PCDHA1: variants seen among roughly 807,000 people sequenced by gnomAD.
The protein encoded by PCDHA1 is protocadherin alpha 1.
PCDHA1 carries 42 observed loss-of-function variants against 61.3 expected under a neutral mutation model. That is an observed-to-expected ratio of 0.69 (90% CI 0.54 to 0.89). The LOEUF (loss-of-function observed/expected upper bound fraction) is 0.89, where lower values mean the gene tolerates loss of function less well. PCDHA1 is among the 40% of genes least tolerant of loss of function. The pLI is 0.00. For missense variants in PCDHA1, 1,256 were observed against 1,235.3 expected, an observed-to-expected ratio of 1.02 and a Z score of -0.25; for synonymous variants, 610 against 553.8, an observed-to-expected ratio of 1.10 and a Z score of -1.43.
At chr5:140,835,741 C>A (rs558922738) in intron 1 of PCDHA1, 1 of 1,613,586 alleles carries the variant, frequency 6.2e-7, no homozygotes, top group Admixed American at 1.7e-5. Flanking sequence ...GACAACGCCC[C>A]GGCGTTCGCG....
At chr5:140,860,697 ATTG>A (rs1191589465) in intron 1 of PCDHA1, 2 of 152,170 alleles carry the variant, frequency 1.3e-5, no homozygotes, top group African/African-American at 4.8e-5. Context: ...GCGACAGGAT[ATTG>A]TTGTTCTCCA....
chr5:140,887,197 C>T (rs1348316837), intron 1 of PCDHA1, among the ~76,000 whole-genome samples: 1 of 151,678 alleles, frequency 6.6e-6, no homozygotes, highest in Non-Finnish European at 1.5e-5. Flanking sequence ...CCCGGGTTCA[C>T]GCCATTCTCC....
intron 1 of PCDHA1, among the ~76,000 whole-genome samples, chr5:140,897,369 T>C (rs183566624): frequency 0.013 from 1,702 of 128,706 alleles, 36 homozygotes; most frequent in African/African-American, 0.049. Flanking sequence ...GAGTGTGATG[T>C]TCCCTTCCCC....
chr5:140,802,479 C>T, intron 1 of PCDHA1: 2 of 1,614,172 alleles, frequency 1.2e-6, no homozygotes, highest in Non-Finnish European at 1.7e-6. Flanking sequence ...GGTGACTGCT[C>T]GGGACGGGGG....
intron 1 of PCDHA1, chr5:140,858,226 C>G (rs782380359): frequency 1.3e-6 from 2 of 1,595,414 alleles, no homozygotes; most frequent in Admixed American, 1.7e-5. Context: ...CGGCGCCCAC[C>G]GAGGGCGCAT....
chr5:140,927,508 C>T lies in PCDHA1; in HGVS notation c.2395-51441C>T, dbSNP rs551245842. On this transcript the variant is annotated intron_variant, in intron 1 of 3. Coordinates refer to ENST00000504120, the MANE Select transcript of PCDHA1 (RefSeq NM_018900.4). The stretch of plus-strand genomic sequence containing the variant: ...CACCCACCTGCTGGTGCTTACAGCT[C>T]GGGACGGCGGGCTACCTGCCCGCTC... The T allele has an allele frequency of 9.9e-6, 16 of 1,614,074 alleles. No individual in the cohort carries two copies. In the South Asian group the frequency reaches 1.4e-4, roughly 14 times the overall value.
chr5:140,869,962 A>C (rs1554163660), intron 1 of PCDHA1: 4 of 1,612,950 alleles, frequency 2.5e-6, no homozygotes, highest in Middle Eastern at 1.6e-4. Flanking sequence ...AATTAAGCCC[A>C]ATGGAAGACA....
chr5:140,786,376 G>C lies in PCDHA1; in HGVS notation c.86G>C (p.Gly29Ala), dbSNP rs782701926. Reference sequence around the variant, plus strand: ...CTCGCAGCCTGGGAGGTGGGGAGCGGCCAGCTCCACTACTCGATCCCGGAG... The same window carrying C: ...CTCGCAGCCTGGGAGGTGGGGAGCGCCCAGCTCCACTACTCGATCCCGGAG... ...LLLAAWEVGS[G>A]QLHYSIPEEA... The change falls in exon 1 of 4, where the codon GGC becomes GCC. Residue 29 changes from glycine (G) to alanine (A), a missense_variant. Coordinates refer to ENST00000504120, the MANE Select transcript of PCDHA1 (RefSeq NM_018900.4). The C allele has an allele frequency of 5.6e-6, 9 of 1,613,618 alleles. No individual in the cohort carries two copies. Among genetic ancestry groups the C allele is most frequent in the Non-Finnish European group, 6.8e-6 (8 of 1,180,036 alleles).
Position 140,870,886 on chromosome 5 carries a change from G to T in PCDHA1, c.2394+82202G>T, listed in dbSNP as rs17844350. On this transcript the variant is annotated intron_variant, in intron 1 of 3. Coordinates refer to ENST00000504120, the MANE Select transcript of PCDHA1 (RefSeq NM_018900.4). ...GGGCCACGTGGTGGCGAAGGTGCGC[G>T]CAGTGGATGCGGACTCAGGCTACAA... 4,395 of 1,613,944 alleles carry T rather than the reference G, an allele frequency of 2.7e-3. 116 individuals are homozygous for T. The East Asian group carries it at 0.058, about 21-fold the overall frequency.
chr5:140,861,533 C>T (rs890249596), intron 1 of PCDHA1: 6 of 446,700 alleles, frequency 1.3e-5, no homozygotes, highest in South Asian at 7.2e-5. Context: ...TCTCGGAGTG[C>T]AGCATCCACC....
At chr5:140,900,559 G>T (rs542075943) in intron 1 of PCDHA1, among the ~76,000 whole-genome samples, 1 of 152,196 alleles carries the variant, frequency 6.6e-6, no homozygotes, top group Admixed American at 6.5e-5. Context: ...TTACAGGCGT[G>T]AGCCACGGCA....
intron 1 of PCDHA1, among the ~76,000 whole-genome samples, chr5:140,924,015 A>G (rs2081623207): frequency 6.6e-6 from 1 of 152,164 alleles, no homozygotes; most frequent in Admixed American, 6.5e-5. Flanking sequence ...AACCTGGTAT[A>G]ATTGGAGGCA....
intron 1 of PCDHA1, chr5:140,822,611 T>C: frequency 6.2e-7 from 1 of 1,611,604 alleles, no homozygotes; most frequent in Non-Finnish European, 8.5e-7. Flanking sequence ...ATAGTGTATT[T>C]CTTTAGTAAT....
chr5:140,885,041 T>C (rs2060440056), intron 1 of PCDHA1, among the ~76,000 whole-genome samples: 1 of 152,250 alleles, frequency 6.6e-6, no homozygotes, highest in Non-Finnish European at 1.5e-5. Flanking sequence ...ATTTTTAGTT[T>C]AATGTATACA....
chr5:140,856,760 G>T, intron 1 of PCDHA1: 1 of 1,596,522 alleles, frequency 6.3e-7, no homozygotes, highest in Admixed American at 1.7e-5. Context: ...CAATGATAAC[G>T]CCCCTATCTT....
At chr5:140,903,636 T>C (rs1330875573) in intron 1 of PCDHA1, among the ~76,000 whole-genome samples, 3 of 152,236 alleles carry the variant, frequency 2.0e-5, no homozygotes, top group African/African-American at 7.2e-5. Context: ...TGTATGCATA[T>C]ACCATATACA....
intron 1 of PCDHA1, among the ~76,000 whole-genome samples, chr5:140,833,365 G>A (rs2150207922): frequency 1.3e-5 from 2 of 152,156 alleles, no homozygotes; most frequent in African/African-American, 2.4e-5. Flanking sequence ...ACACAGTAAG[G>A]TAGATCCAAA....
intron 1 of PCDHA1, among the ~76,000 whole-genome samples, chr5:140,902,752 C>A (rs782602670): frequency 2.0e-5 from 3 of 148,884 alleles, no homozygotes; most frequent in African/African-American, 7.3e-5. Flanking sequence ...TCCATTATAT[C>A]ATTCTTATGT....
chr5:140,843,603 G>C lies in PCDHA1; in HGVS notation c.2394+54919G>C, dbSNP rs2150363259. ...CAACAGCCGCAGAGGGTGTGCTCTG[G>C]TGAGGGGCCACCGAAGACGGACCTC... On this transcript the variant is annotated intron_variant, in intron 1 of 3. Coordinates refer to ENST00000504120, the MANE Select transcript of PCDHA1 (RefSeq NM_018900.4). 45 of 1,596,084 alleles carry C rather than the reference G, an allele frequency of 2.8e-5. 3 individuals carry two copies. The East Asian group carries it at 3.1e-4, about 11-fold the overall frequency.
Sources: allele counts gnomAD v4.1 joint callset (sites outside exome capture counted in the v4.1 genomes callset), GRCh38; gene constraint gnomAD v4.1.1; transcripts MANE v1.5; gene names NCBI Gene and HGNC (gene_info 2026-07-23, HGNC 2026-07-21).